The following CFDP1 variants were observed in gnomAD, a reference collection of about 807,000 sequenced individuals.
CFDP1 encodes chromatin remodeling protein CFDP1, also known as heterochromatin-stabilizing protein CFDP1.
In CFDP1, 31 loss-of-function variants were observed where a neutral mutation model predicts 40.1. The ratio of observed to expected loss-of-function variants is 0.77; its 90% CI spans 0.58 to 1.04. The LOEUF (loss-of-function observed/expected upper bound fraction) is 1.04, where lower values mean the gene tolerates loss of function less well. Ranked by LOEUF, CFDP1 falls within the 50% of genes least tolerant of loss-of-function variation. The pLI is 0.00. For synonymous variants in CFDP1, 167 were observed against 120.0 expected, an observed-to-expected ratio of 1.39 and a Z score of -2.56; for missense variants, 423 against 343.4, an observed-to-expected ratio of 1.23 and a Z score of -1.83.
chr16:75,432,207 G>A (rs1320657191), intron 1 of CFDP1, among the ~76,000 whole-genome samples: 2 of 149,938 alleles, frequency 1.3e-5, no homozygotes, highest in African/African-American at 4.9e-5. Flanking sequence ...ACCGCGCCAG[G>A]AATGGAATGG....
chr16:75,430,940 T>C (rs1252600722), intron 1 of CFDP1, among the ~76,000 whole-genome samples: 1 of 152,156 alleles, frequency 6.6e-6, no homozygotes, highest in Non-Finnish European at 1.5e-5. Context: ...TCAGGTTAAA[T>C]GTTAAAGAGC....
intron 5 of CFDP1, among the ~76,000 whole-genome samples, chr16:75,317,923 C>A (rs542801070): frequency 1.3e-5 from 2 of 151,946 alleles, no homozygotes; most frequent in South Asian, 4.2e-4. Flanking sequence ...CCAGTCTGGC[C>A]AACATGGTGA....
chr16:75,371,911 T>C (rs984996355), intron 5 of CFDP1, among the ~76,000 whole-genome samples: 40 of 152,244 alleles, frequency 2.6e-4, no homozygotes, highest in African/African-American at 8.9e-4. Context: ...AAGATCAACC[T>C]TGTTATTTAA....
intron 4 of CFDP1, among the ~76,000 whole-genome samples, chr16:75,405,749 C>CAAAAAA (rs35698522): frequency 1.0e-5 from 1 of 100,432 alleles, no homozygotes; most frequent in Admixed American, 1.1e-4. Flanking sequence ...GACTCCATCT[C>CAAAAAA]AAAAAAAAAA....
intron 4 of CFDP1, among the ~76,000 whole-genome samples, chr16:75,397,785 G>A (rs957858508): frequency 3.9e-5 from 6 of 151,990 alleles, no homozygotes; most frequent in East Asian, 1.9e-4. Context: ...CAGCCTGGGC[G>A]ACAGCGAGAC....
intron 5 of CFDP1, among the ~76,000 whole-genome samples, chr16:75,383,817 TAA>T (rs35216321): frequency 0.21 from 27,320 of 127,078 alleles, 2,852 homozygotes; most frequent in African/African-American, 0.28. Context: ...GACTCCGTCT[TAA>T]AAAAAAAAAA....
At chr16:75,372,799 A>G (rs1269078745) in intron 5 of CFDP1, among the ~76,000 whole-genome samples, 1 of 152,196 alleles carries the variant, frequency 6.6e-6, no homozygotes, top group Non-Finnish European at 1.5e-5. Context: ...GCACGCACAC[A>G]CAAATACATA....
At chr16:75,430,786 T>C (rs1398836233) in intron 1 of CFDP1, among the ~76,000 whole-genome samples, 1 of 152,174 alleles carries the variant, frequency 6.6e-6, no homozygotes, top group Non-Finnish European at 1.5e-5. Flanking sequence ...ATCATACAGA[T>C]GAAGCTTTTA....
At position 75,412,042 on chromosome 16, in the gene CFDP1, G is replaced by A. The variant is rs758077607; in HGVS notation, c.403-90C>T. ...TTTATTTTTTTTTCTTTGAGATAGCGTCTCACTCTGTAGCCCAAGCTGGAG... is the reference window on the plus strand; with the variant it reads ...TTTATTTTTTTTTCTTTGAGATAGCATCTCACTCTGTAGCCCAAGCTGGAG... On this transcript the variant is annotated intron_variant, in intron 3 of 6. Coordinates refer to ENST00000283882, the MANE Select transcript of CFDP1 (RefSeq NM_006324.3). 72 of 1,308,280 alleles carry A rather than the reference G, an allele frequency of 5.5e-5. 1 individual carries two copies. Among genetic ancestry groups the A allele is most frequent in the South Asian group, 4.4e-4 (29 of 65,472 alleles). The allele number at this position is 1,308,280 out of a possible 1,614,324, so 81.0% of individuals were successfully genotyped here. A position where few individuals can be genotyped will look rare whatever the true frequency, so the allele number is the denominator to read the frequency against.
intron 5 of CFDP1, among the ~76,000 whole-genome samples, chr16:75,363,780 A>T (rs1316902900): frequency 6.6e-6 from 1 of 152,240 alleles, no homozygotes; most frequent in Non-Finnish European, 1.5e-5. Flanking sequence ...GCACTGACAT[A>T]GGAAATTGAT....
intron 5 of CFDP1, among the ~76,000 whole-genome samples, chr16:75,379,345 A>G (rs2078833005): frequency 2.6e-5 from 1 of 39,194 alleles, no homozygotes; most frequent in African/African-American, 5.0e-5. Context: ...CAAAAAAAAA[A>G]GAGAGAGAGA....
intron 5 of CFDP1, among the ~76,000 whole-genome samples, chr16:75,322,113 C>T (rs1343317178): frequency 6.6e-6 from 1 of 152,164 alleles, no homozygotes; most frequent in African/African-American, 2.4e-5. Context: ...CGTGAGCCAC[C>T]GCGCCCAGCC....
chr16:75,420,755 A>C (rs948144427), intron 1 of CFDP1, among the ~76,000 whole-genome samples: 1 of 152,236 alleles, frequency 6.6e-6, no homozygotes, highest in Non-Finnish European at 1.5e-5. Flanking sequence ...TGAGGAAAAA[A>C]TACAAATATC....
chr16:75,367,809 A>AC (rs1381079594), intron 5 of CFDP1, among the ~76,000 whole-genome samples: 1 of 151,346 alleles, frequency 6.6e-6, no homozygotes, highest in Non-Finnish European at 1.5e-5. Flanking sequence ...AAAAAAAAAA[A>AC]AACTTAACAG....
chr16:75,301,536 C>CTTTTTTTTTTTTTTTTT lies in CFDP1; in HGVS notation c.809+3471_809+3487dup, dbSNP rs546724752. Among the ~76,000 whole-genome samples the CTTTTTTTTTTTTTTTTT allele has an allele frequency of 2.0e-4, 11 of 53,938 alleles. 2 individuals are homozygous for CTTTTTTTTTTTTTTTTT. Among genetic ancestry groups the CTTTTTTTTTTTTTTTTT allele is most frequent in the African/African-American group, 6.2e-4 (9 of 14,488 alleles). The allele number at this position is 53,938 out of a possible 152,430, so 35.4% of individuals were successfully genotyped here. Reference sequence around the variant, plus strand: ...TCTCAACATTAGAGTTTTGTTGTGTCTTTTTTTTTTTTTTTTTTTTTTTTT... The same window carrying CTTTTTTTTTTTTTTTTT: ...TCTCAACATTAGAGTTTTGTTGTGTCTTTTTTTTTTTTTTTTTTTTTTTTTTTTTTTTTTTTTTTTTT... On this transcript the variant is annotated intron_variant, in intron 6 of 6. Coordinates refer to ENST00000283882, the MANE Select transcript of CFDP1 (RefSeq NM_006324.3).
chr16:75,297,146 T>TTTTGTGTGTGTGTGTG lies in CFDP1; in HGVS notation c.810-3105_810-3104insCACACACACACACAAA, dbSNP rs1555551779. Among the ~76,000 whole-genome samples, 223 of 133,064 alleles carry TTTTGTGTGTGTGTGTG rather than the reference T, an allele frequency of 1.7e-3. 1 individual carries two copies. The highest frequency in any genetic ancestry group is 5.1e-3 in the African/African-American group (191 of 37,298). The allele number at this position is 133,064 out of a possible 152,430, so 87.3% of individuals were successfully genotyped here. On this transcript the variant is annotated intron_variant, in intron 6 of 6. Transcript: ENST00000283882. ...GCTTGGGGTTCTTGCTTCCCATTTC[T>TTTTGTGTGTGTGTGTG]TGTGTGTGTGTGTGTGTGTCTGTGT...
At chr16:75,297,464 C>G (rs2078192046) in intron 6 of CFDP1, among the ~76,000 whole-genome samples, 1 of 152,182 alleles carries the variant, frequency 6.6e-6, no homozygotes, top group African/African-American at 2.4e-5. Context: ...GCCACTGAGA[C>G]TCAGGACATT....
chr16:75,333,777 G>GT (rs1421434402), intron 5 of CFDP1, among the ~76,000 whole-genome samples: 2 of 152,078 alleles, frequency 1.3e-5, no homozygotes, highest in Non-Finnish European at 2.9e-5. Context: ...AGTTGTTACT[G>GT]TTTTTTTGAA....
At chr16:75,352,158 T>C (rs1717136893) in intron 5 of CFDP1, among the ~76,000 whole-genome samples, 1 of 151,598 alleles carries the variant, frequency 6.6e-6, no homozygotes, top group Non-Finnish European at 1.5e-5. Flanking sequence ...CTGGCGAACA[T>C]GGCAAAACCC....
Sources: allele counts gnomAD v4.1 joint callset (sites outside exome capture counted in the v4.1 genomes callset), GRCh38; gene constraint gnomAD v4.1.1; transcripts MANE v1.5; gene names NCBI Gene and HGNC (gene_info 2026-07-23, HGNC 2026-07-21).